VRK2: variants seen among roughly 807,000 people sequenced by gnomAD.
VRK2 encodes the protein VRK serine/threonine kinase 2.
Under a neutral mutation model 57.6 loss-of-function variants are expected in VRK2, and 60 were observed. The ratio of observed to expected loss-of-function variants is 1.04; its 90% CI spans 0.85 to 1.29. The LOEUF (loss-of-function observed/expected upper bound fraction) is 1.29, where lower values mean the gene tolerates loss of function less well. Among genes scored for constraint, VRK2 ranks in the 50% most tolerant of loss-of-function variants. The pLI, the probability that VRK2 is intolerant of heterozygous loss-of-function variation, is 0.00. For synonymous variants in VRK2, 231 were observed against 199.2 expected, an observed-to-expected ratio of 1.16 and a Z score of -1.35; for missense variants, 705 against 588.1, an observed-to-expected ratio of 1.20 and a Z score of -2.06.
In VRK2 at chr2:58,081,639, A is replaced by C. The variant is rs190065588; in HGVS notation, c.137-2450A>C. On this transcript the variant is annotated intron_variant, in intron 2 of 12. Transcript: ENST00000340157. ...AAACTGTAAGGTTAATCACTTTCCTACTTTTTTGGATAACTCAAGGGCATT... is the reference window on the plus strand; with the variant it reads ...AAACTGTAAGGTTAATCACTTTCCTCCTTTTTTGGATAACTCAAGGGCATT... Among the ~76,000 whole-genome samples the C allele has an allele frequency of 7.9e-5, 12 of 151,824 alleles. No individual in the cohort carries two copies. The East Asian group carries it at 2.1e-3, about 27-fold the overall frequency.
At chr2:58,107,811 C>T (rs538641893) in intron 7 of VRK2, among the ~76,000 whole-genome samples, 9 of 152,166 alleles carry the variant, frequency 5.9e-5, no homozygotes, top group African/African-American at 1.9e-4. Context: ...GCTTCTTTCT[C>T]TGCCAGCTCC....
intron 7 of VRK2, among the ~76,000 whole-genome samples, chr2:58,091,289 A>G (rs1672339848): frequency 6.6e-6 from 1 of 152,174 alleles, no homozygotes. Flanking sequence ...TTGATAGCGG[A>G]GAGACTTTGT....
At chr2:58,159,895 G>A, downstream of VRK2, 1 of 1,564,160 alleles carries the variant, frequency 6.4e-7, no homozygotes, top group Non-Finnish European at 8.6e-7. Context: ...TAGTGTCATA[G>A]TACAGTTTGG....
chr2:58,089,735 CT>C lies in VRK2; in HGVS notation c.543+16del. The C allele has an allele frequency of 2.5e-6, 4 of 1,576,066 alleles. No individual in the cohort carries two copies. Among genetic ancestry groups the C allele is most frequent in the Non-Finnish European group, 3.5e-6 (4 of 1,152,522 alleles). The stretch of plus-strand genomic sequence containing the variant: ...AAAATCCAGACCAGGTAAATACATA[CT>C]TTTGCTTTTAATAAAGGTCTTTAAT... On this transcript the variant is annotated intron_variant, in intron 7 of 12. Coordinates refer to ENST00000340157, the MANE Select transcript of VRK2 (RefSeq NM_006296.7).
chr2:58,090,306 G>A (rs1573037486), intron 7 of VRK2, among the ~76,000 whole-genome samples: 1 of 149,322 alleles, frequency 6.7e-6, no homozygotes, highest in East Asian at 2.0e-4. Flanking sequence ...TGAGGCAGGA[G>A]AATTGCTTGA....
chr2:58,048,451 G>A (rs1675202078), intron 1 of VRK2: 1 of 799,098 alleles, frequency 1.3e-6, no homozygotes, highest in Non-Finnish European at 1.8e-6. Context: ...TACATTCTCA[G>A]TGACAGCAAT....
chr2:57,977,427 C>A (rs182171092), intron 1 of VRK2, among the ~76,000 whole-genome samples: 1 of 152,178 alleles, frequency 6.6e-6, no homozygotes, highest in Admixed American at 6.5e-5. Context: ...TTGTAGAGAT[C>A]TTTCATATCC....
intron 7 of VRK2, among the ~76,000 whole-genome samples, chr2:58,107,707 G>C (rs942633957): frequency 6.6e-6 from 1 of 152,130 alleles, no homozygotes; most frequent in Non-Finnish European, 1.5e-5. Context: ...TCTCTCATGT[G>C]AATCTTCATT....
rs111366329 is a variant in VRK2 at position 57,991,435 on chromosome 2, A to G, written c.-438-34230A>G. ...TGTCGTGAAGAATCTGGATATAGTT[A>G]CCCAGGGAAAAGCATTACAAATAGT... On this transcript the variant is annotated intron_variant, in intron 1 of 15. Coordinates refer to the VRK2 transcript ENST00000417641. Among the ~76,000 whole-genome samples the G allele has an allele frequency of 4.6e-5, 7 of 152,078 alleles. 1 individual carries two copies. Among genetic ancestry groups the G allele is most frequent in the African/African-American group, 1.7e-4 (7 of 41,502 alleles).
upstream of VRK2, among the ~76,000 whole-genome samples, chr2:58,042,761 A>T (rs2103727067): frequency 6.6e-6 from 1 of 152,302 alleles, no homozygotes; most frequent in African/African-American, 2.4e-5. Context: ...AATCATTCAT[A>T]GCCTGTAAGA....
Position 58,088,410 on chromosome 2 carries a change from T to G in VRK2, c.414T>G (p.Phe138Leu). The G allele has an allele frequency of 1.2e-6, 2 of 1,613,482 alleles. No individual in the cohort carries two copies. The highest frequency in any genetic ancestry group is 1.7e-6 in the Non-Finnish European group (2 of 1,179,602). ...AGATCTCAGGCCAGAATGGTACCTTTAAAAAGTCAACTGTCCTGCAATTAG... is the reference window on the plus strand; with the variant it reads ...AGATCTCAGGCCAGAATGGTACCTTGAAAAAGTCAACTGTCCTGCAATTAG... ...LQKISGQNGTFKKSTVLQLGI... is the reference protein window; with the variant it reads ...LQKISGQNGTLKKSTVLQLGI... Residue 138 changes from phenylalanine (F) to leucine (L), a missense_variant, in exon 6 of 13, where the codon TTT (phenylalanine) becomes TTG (leucine). By Grantham distance (22) the Phe-to-Leu change is conservative. Coordinates refer to ENST00000340157, the MANE Select transcript of VRK2 (RefSeq NM_006296.7).
intron 1 of VRK2, among the ~76,000 whole-genome samples, chr2:57,998,850 G>T (rs1355717923): frequency 6.6e-6 from 1 of 152,182 alleles, no homozygotes; most frequent in African/African-American, 2.4e-5. Context: ...AAATAACACA[G>T]ATGCCTTTGC....
chr2:57,934,332 C>T (rs1469390096), intron 1 of VRK2, among the ~76,000 whole-genome samples: 5 of 152,134 alleles, frequency 3.3e-5, no homozygotes, highest in Non-Finnish European at 7.4e-5. Flanking sequence ...TGATGAACTC[C>T]CTCCAGGTGA....
At chr2:57,911,951 G>C (rs1027204761) in intron 1 of VRK2, among the ~76,000 whole-genome samples, 1 of 152,162 alleles carries the variant, frequency 6.6e-6, no homozygotes, top group Non-Finnish European at 1.5e-5. Flanking sequence ...TCTCCTAGAA[G>C]AGTGCTTAGC....
chr2:58,152,731 G>A (rs375974113), intron 12 of VRK2, among the ~76,000 whole-genome samples: 2 of 151,058 alleles, frequency 1.3e-5, no homozygotes, highest in South Asian at 4.2e-4. Flanking sequence ...TTTTATTTCT[G>A]CATTTTTTTA....
upstream of VRK2, among the ~76,000 whole-genome samples, chr2:58,042,516 AC>A (rs2103726224): frequency 6.6e-6 from 1 of 152,344 alleles, no homozygotes; most frequent in South Asian, 2.1e-4. Context: ...ACTTTAAATA[AC>A]AAAAATTGGC....
chr2:57,916,389 G>A (rs1670150679), intron 1 of VRK2, among the ~76,000 whole-genome samples: 1 of 135,036 alleles, frequency 7.4e-6, no homozygotes, highest in African/African-American at 2.8e-5. Context: ...CTGGCAACAA[G>A]AGCAAAACTT....
intron 2 of VRK2, among the ~76,000 whole-genome samples, chr2:58,030,254 C>T (rs1674071971): frequency 6.6e-6 from 1 of 152,098 alleles, no homozygotes; most frequent in Non-Finnish European, 1.5e-5. Flanking sequence ...AGCAATTTCA[C>T]ACCTAAATAA....
chr2:57,918,496 T>A (rs1670227850), intron 1 of VRK2, among the ~76,000 whole-genome samples: 1 of 152,124 alleles, frequency 6.6e-6, no homozygotes, highest in Admixed American at 6.6e-5. Context: ...TTTCTTCAGA[T>A]GTATTGTCAA....
Sources: gnomAD v4.1 joint callset for allele counts (sites outside exome capture counted in the v4.1 genomes callset) on GRCh38, gnomAD v4.1.1 for gene constraint, MANE v1.5 for transcripts, NCBI Gene and HGNC (gene_info 2026-07-23, HGNC 2026-07-21) for gene names.